Variants in FANCA observed in about 807,000 individuals in gnomAD.
FANCA encodes FA complementation group A.
In FANCA, 236 loss-of-function variants were observed where a neutral mutation model predicts 194.3. The observed-to-expected ratio is 1.21, with a 90% CI of 1.09 to 1.35. The LOEUF (loss-of-function observed/expected upper bound fraction) is 1.35, where lower values mean the gene tolerates loss of function less well. Ranked by LOEUF, FANCA falls within the 40% of genes most tolerant of loss-of-function variation. FANCA has a pLI of 0.00. For synonymous variants in FANCA, 1,014 were observed against 715.8 expected, an observed-to-expected ratio of 1.42 and a Z score of -6.65; for missense variants, 2,628 against 1,813.9, an observed-to-expected ratio of 1.45 and a Z score of -8.15.
chr16:89,756,233 A>C (rs1355085336), intron 30 of FANCA, among the ~76,000 whole-genome samples: 1 of 152,232 alleles, frequency 6.6e-6, no homozygotes, highest in Non-Finnish European at 1.5e-5. Flanking sequence ...AAAAAATCTA[A>C]AATGGCCAAT....
chr16:89,796,053 G>C (rs1464526056), intron 10 of FANCA, 35 bp from the exon 11 acceptor site: 2 of 1,545,846 alleles, frequency 1.3e-6, no homozygotes, highest in African/African-American at 1.4e-5. Flanking sequence ...TCAGGAAAGG[G>C]AGGGTGCCTT....
intron 13 of FANCA, 52 bp downstream of exon 13, chr16:89,791,875 C>T: frequency 1.2e-6 from 2 of 1,609,628 alleles, no homozygotes; most frequent in South Asian, 1.1e-5. Flanking sequence ...TCTGCTGACA[C>T]CCCCCTACAC....
chr16:89,743,839 A>AAAC (rs1435967649), intron 36 of FANCA, among the ~76,000 whole-genome samples: 2 of 152,196 alleles, frequency 1.3e-5, no homozygotes, highest in African/African-American at 4.8e-5. Flanking sequence ...AAACAAAACA[A>AAAC]AAAACAAAAC....
At chr16:89,812,800 C>T (rs1025052856) in intron 3 of FANCA, among the ~76,000 whole-genome samples, 1 of 150,714 alleles carries the variant, frequency 6.6e-6, no homozygotes, top group East Asian at 2.0e-4. Context: ...TGCAGGAGGC[C>T]GAGGCGGGTC....
At chr16:89,747,525 G>A (rs982052667) in intron 33 of FANCA, among the ~76,000 whole-genome samples, 21 of 151,978 alleles carry the variant, frequency 1.4e-4, no homozygotes, top group African/African-American at 5.1e-4. Context: ...ATGGTAAAAC[G>A]TCATCTCTAC....
At chr16:89,773,455 C>T in intron 21 of FANCA, 71 bp from the exon 22 acceptor site, 2 of 1,102,008 alleles carry the variant, frequency 1.8e-6, no homozygotes, top group Non-Finnish European at 2.7e-6. Context: ...ATAGAAACTT[C>T]ACACAGTCAA....
In FANCA at chr16:89,785,853, G is replaced by GTTT. The variant is rs370594051; in HGVS notation, c.1360-892_1360-890dup. Among the ~76,000 whole-genome samples the GTTT allele has an allele frequency of 1.9e-3, 217 of 113,168 alleles. 69 individuals carry two copies. The highest frequency in any genetic ancestry group is 2.2e-3 in the East Asian group (8 of 3,696). 74.2% of individuals were successfully genotyped at this position (113,168 alleles called of 152,430 possible). A position where few individuals can be genotyped will look rare whatever the true frequency, so the allele number is the denominator to read the frequency against. ...TCTTTCTGAAAGCGTGCAAAATTGT[G>GTTT]TTTTGTTTTTTTTTTTTTGGAGACA... On this transcript the variant is annotated intron_variant, in intron 14 of 42. Transcript: ENST00000389301.
intron 37 of FANCA, among the ~76,000 whole-genome samples, chr16:89,741,303 G>A (rs1301828120): frequency 6.6e-6 from 1 of 152,228 alleles, no homozygotes; most frequent in African/African-American, 2.4e-5. Context: ...AGGGTCCTAA[G>A]GCCCTGGAGC....
Position 89,738,403 on chromosome 16 carries a change from G to T in FANCA, c.*198C>A. 7.3e-7 allele frequency: 1 copy of T among 1,379,184 alleles called. No homozygotes were observed. Among genetic ancestry groups the T allele is most frequent in the Non-Finnish European group, 9.8e-7 (1 of 1,020,732 alleles). The allele number at this position is 1,379,184 out of a possible 1,614,324, so 85.4% of individuals were successfully genotyped here. On this transcript the variant is annotated 3_prime_UTR_variant, in exon 43 of 43. Coordinates refer to ENST00000389301, the MANE Select transcript of FANCA (RefSeq NM_000135.4). ...TGTCCGGCTCAAGTAGCCTTCCTCT[G>T]CTCTGGGACCAGTGGTTTATTTTCC...
intron 21 of FANCA, among the ~76,000 whole-genome samples, chr16:89,775,523 G>A (rs534926474): frequency 9.2e-5 from 14 of 152,350 alleles, no homozygotes; most frequent in Non-Finnish European, 1.3e-4. Flanking sequence ...ACTCCTTTCC[G>A]GAAGGTGCTA....
At chr16:89,781,855 G>A (rs1217946199) in intron 17 of FANCA, among the ~76,000 whole-genome samples, 3 of 146,400 alleles carry the variant, frequency 2.0e-5, no homozygotes, top group Admixed American at 7.0e-5. Context: ...CAAAAAATTA[G>A]CCAGGCGTGG....
In FANCA at chr16:89,771,823, G is replaced by C; in HGVS notation, c.2015-9C>G. On this transcript the variant is annotated splice_polypyrimidine_tract_variant and intron_variant, in intron 22 of 42. Transcript: ENST00000389301. ...CACCTGTGCCGATATAACTGCGAAG[G>C]AAGAAACTAGTTAGGGATGACAAGA... 1 of 1,613,542 alleles carries C rather than the reference G, an allele frequency of 6.2e-7. No homozygotes were observed.
At position 89,767,366 on chromosome 16, in the gene FANCA, C is replaced by G. The variant is rs7203907; in HGVS notation, c.2505-129G>C. The G allele has an allele frequency of 0.48, 347,042 of 722,444 alleles. 92,974 individuals carry two copies. The highest frequency in any genetic ancestry group is 0.98 in the East Asian group (35,476 of 36,196). The allele number at this position is 722,444 out of a possible 1,614,324, so 44.8% of individuals were successfully genotyped here. A position where few individuals can be genotyped will look rare whatever the true frequency, so the allele number is the denominator to read the frequency against. Reference sequence around the variant, plus strand: ...CTGGATGGCCTGAGCATTGGTCCTTCGTTTTTTGGTTCGTTTGTTGTGAGA... The same window carrying G: ...CTGGATGGCCTGAGCATTGGTCCTTGGTTTTTTGGTTCGTTTGTTGTGAGA... On this transcript the variant is annotated intron_variant, in intron 26 of 42. Coordinates refer to ENST00000389301, the MANE Select transcript of FANCA (RefSeq NM_000135.4).
intron 20 of FANCA, chr16:89,778,393 G>T (rs1034202835): frequency 4.3e-5 from 16 of 370,178 alleles, no homozygotes; most frequent in African/African-American, 3.6e-4. Context: ...TCCAACCCAG[G>T]AGGCAGAGCT....
chr16:89,806,306 G>C (rs558074225), intron 6 of FANCA, among the ~76,000 whole-genome samples: 2 of 150,850 alleles, frequency 1.3e-5, no homozygotes, highest in East Asian at 3.9e-4. Context: ...TCCACAGTCA[G>C]TCAGGTCAGC....
intron 21 of FANCA, 46 bp downstream of exon 21, chr16:89,775,696 T>C: frequency 2.0e-6 from 3 of 1,510,854 alleles, no homozygotes; most frequent in African/African-American, 1.4e-5. Flanking sequence ...GTTAGGAAAA[T>C]GGAAAAGCAC....
chr16:89,752,703 T>C (rs1015218363), intron 30 of FANCA, among the ~76,000 whole-genome samples: 3 of 152,110 alleles, frequency 2.0e-5, no homozygotes, highest in African/African-American at 7.2e-5. Flanking sequence ...TATACTGAGG[T>C]GTGACCAGAA....
At chr16:89,742,559 C>T (rs2062159893) in intron 37 of FANCA, among the ~76,000 whole-genome samples, 2 of 150,842 alleles carry the variant, frequency 1.3e-5, no homozygotes, top group South Asian at 4.2e-4. Flanking sequence ...CCTGTAATCC[C>T]AGCACTTTGG....
In FANCA at chr16:89,738,202, T is replaced by C; in HGVS notation, c.*399A>G. The stretch of plus-strand genomic sequence containing the variant: ...ACCACCACCTGGGCCACCGAGCCCC[T>C]CTGTGACCACAGAGGGCCAGGCGGT... On this transcript the variant is annotated 3_prime_UTR_variant, in exon 43 of 43. Coordinates refer to ENST00000389301, the MANE Select transcript of FANCA (RefSeq NM_000135.4). 2 of 1,611,208 alleles carry C rather than the reference T, an allele frequency of 1.2e-6. No homozygotes were observed. The highest frequency in any genetic ancestry group is 1.7e-6 in the Non-Finnish European group (2 of 1,179,150).
Sources: allele counts gnomAD v4.1 joint callset (sites outside exome capture counted in the v4.1 genomes callset), GRCh38; gene constraint gnomAD v4.1.1; transcripts MANE v1.5; gene names NCBI Gene and HGNC (gene_info 2026-07-23, HGNC 2026-07-21).